SETD4: variants seen among roughly 807,000 people sequenced by gnomAD.
The protein encoded by SETD4 is SET domain-containing protein 4.
A neutral mutation model predicts 58.3 loss-of-function variants in SETD4; 46 were observed. That is an observed-to-expected ratio of 0.79 (90% CI 0.62 to 1.01). The LOEUF is 1.01. Among genes scored for constraint, SETD4 ranks in the 50% least tolerant of loss-of-function variants. The pLI is 0.00. For missense variants in SETD4, 490 were observed against 523.3 expected, an observed-to-expected ratio of 0.94 and a Z score of 0.62; for synonymous variants, 190 against 202.6, an observed-to-expected ratio of 0.94 and a Z score of 0.53.
chr21:36,045,873 C>T lies in SETD4; in HGVS notation c.435G>A (p.Pro145=), dbSNP rs574852117. The part of the protein sequence containing the change: ...KAYTCPVCLE[P]EVVNLLPKSL... ...ATTTGGGAAGAAGGTTCACCACTTC[C>T]GGCTCCAAACAAACAGGGCAGGTAT... Residue 145 remains proline, a synonymous_variant, in exon 6 of 12, where the codon CCG becomes CCA. Transcript: ENST00000332131. 24 of 1,614,186 alleles carry T rather than the reference C, an allele frequency of 1.5e-5. No individual in the cohort carries two copies. The African/African-American group carries it at 1.9e-4, about 13-fold the overall frequency.
intron 5 of SETD4, 142 bp downstream of exon 5, chr21:36,048,166 A>G: frequency 1.4e-6 from 1 of 737,582 alleles, no homozygotes; most frequent in Non-Finnish European, 2.3e-6. Flanking sequence ...AGAATGGAGT[A>G]AACTTTTCAC....
At chr21:36,056,714 C>T (rs1039478924) in intron 3 of SETD4, among the ~76,000 whole-genome samples, 2 of 152,072 alleles carry the variant, frequency 1.3e-5, no homozygotes, top group Non-Finnish European at 2.9e-5. Flanking sequence ...CACACCACCG[C>T]GCCTGGCTAA....
chr21:36,051,103 C>A, intron 4 of SETD4: 1 of 1,411,796 alleles, frequency 7.1e-7, no homozygotes, highest in Non-Finnish European at 1.0e-6. Flanking sequence ...CTAGATGTAG[C>A]TGGTATCAGA....
chr21:36,038,258 T>G lies in SETD4; in HGVS notation c.1080A>C (p.Lys360Asn). 1 of 1,612,960 alleles carries G rather than the reference T, an allele frequency of 6.2e-7. No individual in the cohort carries two copies. Among genetic ancestry groups the G allele is most frequent in the Non-Finnish European group, 8.5e-7 (1 of 1,179,732 alleles). The change falls in exon 10 of 12, where the codon AAA (lysine) becomes AAC (asparagine). Residue 360 changes from lysine (K) to asparagine (N), a missense_variant. Physicochemically the swap from Lys to Asn is moderately conservative, Grantham distance 94. Coordinates refer to ENST00000332131, the MANE Select transcript of SETD4 (RefSeq NM_017438.5). ...CTGAAATTACCTCCCCAAGAAGTAC[T>G]TTTTTCCAGCATGTACTAGAACCAA... Reference protein sequence around the residue: ...LEAEKFTCWKKVLLGEVISDT... With the variant: ...LEAEKFTCWKNVLLGEVISDT...
intron 5 of SETD4, 74 bp downstream of exon 5, chr21:36,048,234 A>C: frequency 1.7e-6 from 2 of 1,160,138 alleles, no homozygotes; most frequent in South Asian, 1.2e-5. Context: ...ATTGTGTCTC[A>C]AGTGACATAT....
chr21:36,056,967 G>A (rs188831256), intron 3 of SETD4, 142 bp downstream of exon 3: 12 of 682,892 alleles, frequency 1.8e-5, no homozygotes, highest in South Asian at 3.4e-5. Context: ...CATACACAGG[G>A]GACTCCTCCT....
In SETD4 at chr21:36,036,244, TGA is replaced by T. The variant is rs2063773685; in HGVS notation, c.1194_1195del (p.His399TyrfsTer4). On this transcript the variant is annotated frameshift_variant, in exon 11 of 12. Coordinates refer to ENST00000332131, the MANE Select transcript of SETD4 (RefSeq NM_017438.5). LOFTEE classifies it high-confidence loss of function. ...CAGGGCCTCTTTTTCATCCTTCATA[TGA>T]GACACCTGAAAGTTATTTTTTAATT... 6.3e-7 allele frequency: 1 copy of T among 1,592,326 alleles called. No individual in the cohort carries two copies. The highest frequency in any genetic ancestry group is 2.2e-5 in the East Asian group (1 of 44,748).
intron 10 of SETD4, among the ~76,000 whole-genome samples, chr21:36,037,441 C>T (rs2063832400): frequency 6.6e-6 from 1 of 151,438 alleles, no homozygotes; most frequent in Non-Finnish European, 1.5e-5. Context: ...CCTGTCTCTA[C>T]TAAAAATACA....
intron 4 of SETD4, among the ~76,000 whole-genome samples, chr21:36,048,599 C>G (rs574164967): frequency 6.6e-6 from 1 of 152,240 alleles, no homozygotes; most frequent in Middle Eastern, 3.4e-3. Flanking sequence ...AAGGCGAGGC[C>G]CCACAGCCCC....
At chr21:36,053,299 GC>G in intron 4 of SETD4, 1 of 490,648 alleles carries the variant, frequency 2.0e-6, no homozygotes, top group Non-Finnish European at 3.6e-6. Flanking sequence ...TGGGGCCTCT[GC>G]CAGCCATGGG....
chr21:36,035,739 C>G lies in SETD4; in HGVS notation c.*254G>C, dbSNP rs967656943. On this transcript the variant is annotated 3_prime_UTR_variant, in exon 12 of 12. Coordinates refer to ENST00000332131, the MANE Select transcript of SETD4 (RefSeq NM_017438.5). Reference sequence around the variant, plus strand: ...AGGCCCCGTGGTGACAGACCACACACGGACGCAGCTGGCTCCTGGCTGCCT... The same window carrying G: ...AGGCCCCGTGGTGACAGACCACACAGGGACGCAGCTGGCTCCTGGCTGCCT... 1 of 273,352 alleles carries G rather than the reference C, an allele frequency of 3.7e-6. No homozygotes were observed. Among genetic ancestry groups the G allele is most frequent in the Non-Finnish European group, 7.0e-6 (1 of 141,874 alleles). 16.9% of individuals were successfully genotyped at this position (273,352 alleles called of 1,614,324 possible).
intron 4 of SETD4, among the ~76,000 whole-genome samples, chr21:36,052,732 G>A (rs1436396154): frequency 2.0e-5 from 3 of 152,150 alleles, no homozygotes; most frequent in Non-Finnish European, 4.4e-5. Flanking sequence ...GTGCGCTAGA[G>A]ATCTTTAAAA....
At chr21:36,046,142 A>G (rs2064317989) in intron 5 of SETD4, 131 bp from the exon 6 acceptor site, 1 of 958,322 alleles carries the variant, frequency 1.0e-6, no homozygotes, top group Admixed American at 2.8e-5. Context: ...AACAGACTCA[A>G]GAGTTCCTTC....
intron 6 of SETD4, 115 bp downstream of exon 6, chr21:36,045,467 C>T (rs756943952): frequency 7.4e-7 from 1 of 1,346,006 alleles, no homozygotes; most frequent in Non-Finnish European, 1.0e-6. Flanking sequence ...GACAGGGTCA[C>T]CTGAAGCCGC....
intron 4 of SETD4, chr21:36,050,077 C>T: frequency 1.7e-6 from 1 of 598,452 alleles, no homozygotes; most frequent in East Asian, 2.8e-5. Flanking sequence ...GAGGGTGGTG[C>T]ACTCTAACTC....
At chr21:36,059,604 C>T (rs778222923) in intron 1 of SETD4, 64 of 407,524 alleles carry the variant, frequency 1.6e-4, no homozygotes, top group Non-Finnish European at 2.1e-4. Context: ...AGGAGAATCG[C>T]TTGATCTCAG....
Position 36,043,834 on chromosome 21 carries a change from T to G in SETD4, c.849A>C (p.Glu283Asp). The stretch of plus-strand genomic sequence containing the variant: ...GATTATGGACAGAAACAAATCCGTA[T>G]TCCAGGAACAGCCGTTGATTATCGT... ...GPHDNQRLFL[E>D]YGFVSVHNPH... is the part of the protein sequence containing the mutation. Residue 283 changes from glutamate to aspartate, a missense_variant, in exon 7 of 12, where the codon GAA (glutamate) becomes GAC (aspartate). Coordinates refer to ENST00000332131, the MANE Select transcript of SETD4 (RefSeq NM_017438.5). 6.2e-7 allele frequency: 1 copy of G among 1,614,244 alleles called. No individual in the cohort carries two copies. The highest frequency in any genetic ancestry group is 8.5e-7 in the Non-Finnish European group (1 of 1,180,040).
chr21:36,057,917 T>A (rs568538213), intron 2 of SETD4, among the ~76,000 whole-genome samples: 3 of 152,242 alleles, frequency 2.0e-5, no homozygotes, highest in Non-Finnish European at 4.4e-5. Flanking sequence ...CTTATCGATA[T>A]CTTGTACCAT....
chr21:36,036,797 G>T, intron 10 of SETD4: 1 of 195,718 alleles, frequency 5.1e-6, no homozygotes, highest in Non-Finnish European at 9.3e-6. Flanking sequence ...TTCATCAACA[G>T]ATGAATAAAG....
Sources: gnomAD v4.1 joint callset for allele counts (sites outside exome capture counted in the v4.1 genomes callset) on GRCh38, gnomAD v4.1.1 for gene constraint, MANE v1.5 for transcripts, NCBI Gene and HGNC (gene_info 2026-07-23, HGNC 2026-07-21) for gene names.